ASIC2: variants seen among roughly 807,000 people sequenced by gnomAD.
The protein encoded by ASIC2 is acid sensing ion channel subunit 2, also known as acid-sensing ion channel 2.
ASIC2 carries 25 observed loss-of-function variants against 57.3 expected under a neutral mutation model. That is an observed-to-expected ratio of 0.44 (90% CI 0.32 to 0.61). ASIC2 has a LOEUF of 0.61. Ranked by LOEUF, ASIC2 falls within the 20% of genes least tolerant of loss-of-function variation. ASIC2 has a pLI of 0.06. For missense variants in ASIC2, 641 were observed against 738.1 expected, an observed-to-expected ratio of 0.87 and a Z score of 1.52; for synonymous variants, 319 against 307.5, an observed-to-expected ratio of 1.04 and a Z score of -0.39.
At chr17:33,975,882 C>T (rs1905367844) in intron 1 of ASIC2, among the ~76,000 whole-genome samples, 1 of 152,066 alleles carries the variant, frequency 6.6e-6, no homozygotes, top group Non-Finnish European at 1.5e-5. Flanking sequence ...ACATTTAATC[C>T]TCAGGAATGT....
intron 1 of ASIC2, among the ~76,000 whole-genome samples, chr17:33,878,796 A>G (rs1914619983): frequency 6.6e-6 from 1 of 152,192 alleles, no homozygotes; most frequent in East Asian, 1.9e-4. Context: ...ACTCCAAGAC[A>G]CATAATTGTC....
At chr17:33,937,650 T>C (rs1234597042) in intron 1 of ASIC2, among the ~76,000 whole-genome samples, 1 of 152,222 alleles carries the variant, frequency 6.6e-6, no homozygotes, top group African/African-American at 2.4e-5. Context: ...TTTCCTATGT[T>C]GGTATAAACA....
intron 1 of ASIC2, among the ~76,000 whole-genome samples, chr17:33,833,359 C>A (rs191205979): frequency 9.7e-4 from 147 of 152,098 alleles, no homozygotes; most frequent in South Asian, 2.9e-3. Context: ...TTTAAAAAAA[C>A]CCCAGAGAAC....
chr17:33,662,591 C>G (rs1188238420), intron 1 of ASIC2, among the ~76,000 whole-genome samples: 3 of 150,860 alleles, frequency 2.0e-5, no homozygotes, highest in Non-Finnish European at 4.4e-5. Context: ...CCACTGTACT[C>G]CAGCCTGGGT....
intron 9 of ASIC2, 96 bp from the exon 10 acceptor site, chr17:33,014,162 C>T: frequency 1.1e-6 from 1 of 950,370 alleles, no homozygotes; most frequent in South Asian, 1.4e-5. Context: ...GGAAGGTGCT[C>T]CCCACTTGTG....
intron 1 of ASIC2, among the ~76,000 whole-genome samples, chr17:33,780,798 G>T (rs1362427935): frequency 3.3e-5 from 5 of 152,168 alleles, no homozygotes; most frequent in Non-Finnish European, 5.9e-5. Flanking sequence ...AGCAAGACCT[G>T]GTCTGCCAGG....
At chr17:33,070,416 C>T (rs910015289) in intron 3 of ASIC2, among the ~76,000 whole-genome samples, 1 of 150,736 alleles carries the variant, frequency 6.6e-6, no homozygotes, top group African/African-American at 2.4e-5. Context: ...CAGCTCACTG[C>T]AACTTCTGCC....
intron 1 of ASIC2, among the ~76,000 whole-genome samples, chr17:33,249,080 C>A (rs977569661): frequency 6.6e-6 from 1 of 151,936 alleles, no homozygotes; most frequent in Non-Finnish European, 1.5e-5. Flanking sequence ...GGTTTCTCAA[C>A]ATATTTGAAA....
rs542633112 is a variant in ASIC2 at position 34,044,100 on chromosome 17, TCACACACA to T, written c.555+111870_555+111877del. Among the ~76,000 whole-genome samples, 4 of 146,374 alleles carry T rather than the reference TCACACACA, an allele frequency of 2.7e-5. No homozygotes were observed. The South Asian group carries it at 8.7e-4, about 32-fold the overall frequency. On this transcript the variant is annotated intron_variant, in intron 1 of 9. Coordinates refer to the ASIC2 transcript ENST00000359872. ...AATAAAAGTGGGCCATACCCTTGAA[TCACACACA>T]CACACACACACACACACGCACGCAC... is the stretch of plus-strand genomic sequence containing the variant.
intron 1 of ASIC2, chr17:33,680,653 C>T (rs967611081): frequency 1.3e-5 from 2 of 152,172 alleles, no homozygotes; most frequent in Non-Finnish European, 2.9e-5. Flanking sequence ...TCCTGCTGGG[C>T]GCCAAGCAGG....
chr17:33,163,975 A>G (rs1312637105), intron 1 of ASIC2, among the ~76,000 whole-genome samples: 5 of 152,204 alleles, frequency 3.3e-5, no homozygotes, highest in Admixed American at 3.3e-4. Flanking sequence ...TGCAGGGACA[A>G]CTACTGCGGA....
chr17:33,347,365 G>A (rs968881060), intron 1 of ASIC2, among the ~76,000 whole-genome samples: 2 of 152,174 alleles, frequency 1.3e-5, no homozygotes, highest in African/African-American at 2.4e-5. Context: ...GGGTGCAGGA[G>A]TTTTTGAGTA....
intron 1 of ASIC2, among the ~76,000 whole-genome samples, chr17:33,616,131 G>T (rs769406877): frequency 1.1e-4 from 16 of 152,236 alleles, no homozygotes; most frequent in Non-Finnish European, 2.4e-4. Flanking sequence ...AACTGCAGCA[G>T]CACTTGCTTC....
chr17:33,321,740 T>A (rs1376683322), intron 1 of ASIC2, among the ~76,000 whole-genome samples: 2 of 152,226 alleles, frequency 1.3e-5, no homozygotes, highest in Admixed American at 6.5e-5. Flanking sequence ...GATTCCTTCT[T>A]ACATGGATCA....
At chr17:34,087,157 C>T (rs973832175) in intron 1 of ASIC2, among the ~76,000 whole-genome samples, 65 of 151,908 alleles carry the variant, frequency 4.3e-4, no homozygotes, top group South Asian at 1.0e-3. Context: ...CATTTTGGCA[C>T]GATTTTGCAG....
At chr17:33,202,073 C>T in intron 1 of ASIC2, among the ~76,000 whole-genome samples, 1 of 151,384 alleles carries the variant, frequency 6.6e-6, no homozygotes, top group Non-Finnish European at 1.5e-5. Flanking sequence ...AAGGTGCCGT[C>T]TAACACTACT....
intron 1 of ASIC2, among the ~76,000 whole-genome samples, chr17:33,118,155 C>T (rs113254282): frequency 6.6e-6 from 1 of 152,184 alleles, no homozygotes; most frequent in African/African-American, 2.4e-5. Flanking sequence ...GTGGATACCA[C>T]CAATCTGAAG....
intron 1 of ASIC2, among the ~76,000 whole-genome samples, chr17:33,880,283 C>CA (rs1261166659): frequency 3.9e-5 from 6 of 151,900 alleles, no homozygotes; most frequent in African/African-American, 1.5e-4. Context: ...AATAGAGACA[C>CA]AAAAAACCCT....
At chr17:33,330,535 A>G (rs1907270241) in intron 1 of ASIC2, among the ~76,000 whole-genome samples, 1 of 152,190 alleles carries the variant, frequency 6.6e-6, no homozygotes, top group African/African-American at 2.4e-5. Context: ...AGACAAGGAA[A>G]CTGGAGCCCA....
Sources: allele counts gnomAD v4.1 joint callset (sites outside exome capture counted in the v4.1 genomes callset), GRCh38; gene constraint gnomAD v4.1.1; transcripts MANE v1.5; gene names NCBI Gene and HGNC (gene_info 2026-07-23, HGNC 2026-07-21).